DOCK10: variants seen among roughly 807,000 people sequenced by gnomAD.
DOCK10 encodes the protein dedicator of cytokinesis protein 10.
DOCK10 carries 145 observed loss-of-function variants against 280.1 expected under a neutral mutation model. The ratio of observed to expected loss-of-function variants is 0.52; its 90% CI spans 0.45 to 0.59. The LOEUF is 0.59. DOCK10 is among the 20% of genes least tolerant of loss of function. DOCK10 has a pLI of 0.00. For synonymous variants in DOCK10, 915 were observed against 942.2 expected (o/e 0.97, Z 0.53); for missense variants, 2,368 against 2,651.7 (o/e 0.89, Z 2.35).
At chr2:224,961,267 C>G (rs1023410591) in intron 1 of DOCK10, among the ~76,000 whole-genome samples, 2 of 152,152 alleles carry the variant, frequency 1.3e-5, no homozygotes, top group Non-Finnish European at 1.5e-5. Flanking sequence ...AGAAATGCTG[C>G]GTTGAACAAA....
chr2:224,809,016 A>G (rs1253896107), intron 31 of DOCK10, among the ~76,000 whole-genome samples: 2 of 152,086 alleles, frequency 1.3e-5, no homozygotes, highest in Admixed American at 6.6e-5. Context: ...GGCACTGCCA[A>G]ATTTTGAGCC....
At chr2:224,943,746 AT>A (rs1005335384) in intron 1 of DOCK10, among the ~76,000 whole-genome samples, 8 of 131,258 alleles carry the variant, frequency 6.1e-5, no homozygotes, top group South Asian at 2.5e-4. Flanking sequence ...TTGGTTTAAG[AT>A]TTTTTTTTCT....
chr2:224,960,937 A>G (rs1704341484), intron 1 of DOCK10, among the ~76,000 whole-genome samples: 1 of 151,424 alleles, frequency 6.6e-6, no homozygotes, highest in Admixed American at 6.6e-5. Context: ...ACGGGGTTTC[A>G]CCGTGTTAGC....
chr2:224,894,938 T>C (rs1699898402), intron 4 of DOCK10, among the ~76,000 whole-genome samples: 1 of 152,200 alleles, frequency 6.6e-6, no homozygotes, highest in South Asian at 2.1e-4. Context: ...GCAATGAAAG[T>C]AAAATCCAAG....
rs1035633994 is a variant in DOCK10 at position 224,796,856 on chromosome 2, T to C, written c.4827+108A>G. On this transcript the variant is annotated intron_variant, in intron 43 of 55. Transcript: ENST00000258390. ...CTGTGGGCGTCTTTAAGGAGGACGC[T>C]AGTGGAGGAGTTAGTGACGGCTTGC... The C allele has an allele frequency of 4.1e-6, 4 of 969,034 alleles. No individual in the cohort carries two copies. The African/African-American group carries it at 6.6e-5, about 16-fold the overall frequency. 60.0% of individuals were successfully genotyped at this position (969,034 alleles called of 1,614,324 possible).
At chr2:224,785,317 A>T (rs886984130) in intron 50 of DOCK10, among the ~76,000 whole-genome samples, 5 of 149,740 alleles carry the variant, frequency 3.3e-5, no homozygotes, top group African/African-American at 1.2e-4. Flanking sequence ...TAGATTGTTT[A>T]TGCAGATCCC....
At chr2:225,015,336 C>T (rs957449444) in intron 1 of DOCK10, among the ~76,000 whole-genome samples, 4 of 152,174 alleles carry the variant, frequency 2.6e-5, no homozygotes, top group Non-Finnish European at 4.4e-5. Context: ...GAGAGCACTA[C>T]GTTCTAAGAT....
chr2:224,854,880 C>CAACA (rs1559569243), intron 16 of DOCK10, 83 bp downstream of exon 16: 2 of 1,096,584 alleles, frequency 1.8e-6, no homozygotes, highest in African/African-American at 1.6e-5. Context: ...ACCAACCAAC[C>CAACA]AACCAACCAA....
intron 18 of DOCK10, among the ~76,000 whole-genome samples, chr2:224,850,504 C>T (rs1009408549): frequency 6.6e-6 from 1 of 152,184 alleles, no homozygotes; most frequent in Non-Finnish European, 1.5e-5. Context: ...GCGGACCTCC[C>T]CTAGCCTATG....
chr2:224,799,966 CATT>C (rs958467590), intron 41 of DOCK10, among the ~76,000 whole-genome samples, 182 bp downstream of exon 41: 7 of 152,254 alleles, frequency 4.6e-5, no homozygotes, highest in Middle Eastern at 3.4e-3. Context: ...ATCAAACAAA[CATT>C]AGTCAACCTG....
chr2:224,859,615 G>A (rs1370581146), intron 14 of DOCK10, among the ~76,000 whole-genome samples: 6 of 152,184 alleles, frequency 3.9e-5, no homozygotes, highest in African/African-American at 1.4e-4. Context: ...TGGGTGGGAT[G>A]ATTAAATGTG....
chr2:224,806,080 G>T, intron 34 of DOCK10, 46 bp downstream of exon 34: 1 of 1,120,732 alleles, frequency 8.9e-7, no homozygotes, highest in Non-Finnish European at 1.3e-6. Context: ...ACAATGTAAA[G>T]GTGGATGAGT....
At chr2:224,939,633 TTAGAG>T (rs762758742) in intron 1 of DOCK10, among the ~76,000 whole-genome samples, 2 of 152,326 alleles carry the variant, frequency 1.3e-5, no homozygotes, top group South Asian at 2.1e-4. Flanking sequence ...AATTAATGCC[TTAGAG>T]TAAACTGGAG....
intron 1 of DOCK10, among the ~76,000 whole-genome samples, chr2:225,034,624 C>G (rs73075752): frequency 0.054 from 8,226 of 152,120 alleles, 729 homozygotes; most frequent in African/African-American, 0.19. Context: ...CTAATGTGCA[C>G]TAAGAAGAGG....
chr2:224,837,903 G>A, intron 24 of DOCK10, 72 bp from the exon 25 acceptor site: 1 of 1,184,474 alleles, frequency 8.4e-7, no homozygotes, highest in African/African-American at 1.5e-5. Flanking sequence ...TGTCATTACA[G>A]TGCTTTGTAA....
chr2:225,037,577 G>C (rs1237084939), intron 1 of DOCK10, among the ~76,000 whole-genome samples: 1 of 152,136 alleles, frequency 6.6e-6, no homozygotes, highest in Non-Finnish European at 1.5e-5. Context: ...TTAACTTAGG[G>C]AAACATGTTT....
At chr2:225,018,498 A>AATATATATGTAATATTATATATATATT in intron 1 of DOCK10, among the ~76,000 whole-genome samples, 1 of 128,980 alleles carries the variant, frequency 7.8e-6, no homozygotes, top group Non-Finnish European at 1.6e-5. Context: ...ATATATATAT[A>AATATATATGTAATATTATATATATATT]ATATATATGT....
chr2:224,804,265 A>G, intron 38 of DOCK10, 52 bp from the exon 39 acceptor site: 1 of 1,021,218 alleles, frequency 9.8e-7, no homozygotes. Flanking sequence ...TAATTTACAT[A>G]TAAAAATGAA....
chr2:224,920,426 T>C (rs1004161913), intron 2 of DOCK10, among the ~76,000 whole-genome samples: 1 of 152,096 alleles, frequency 6.6e-6, no homozygotes, highest in African/African-American at 2.4e-5. Flanking sequence ...GTTGCTTATT[T>C]TATGCTATTC....
Sources: gnomAD v4.1 joint callset for allele counts (sites outside exome capture counted in the v4.1 genomes callset) on GRCh38, gnomAD v4.1.1 for gene constraint, MANE v1.5 for transcripts, NCBI Gene and HGNC (gene_info 2026-07-23, HGNC 2026-07-21) for gene names.